Variants in ZBED6 observed in about 807,000 individuals in gnomAD.
The protein encoded by ZBED6 is zinc finger BED domain-containing protein 6.
In ZBED6, 40 loss-of-function variants were observed where a neutral mutation model predicts 58.4. That is an observed-to-expected ratio of 0.68 (90% CI 0.53 to 0.89). The LOEUF (loss-of-function observed/expected upper bound fraction) is 0.89, where lower values mean the gene tolerates loss of function less well. Ranked by LOEUF, ZBED6 falls within the 40% of genes least tolerant of loss-of-function variation. The pLI is 0.00. For synonymous variants in ZBED6, 439 were observed against 350.6 expected (o/e 1.25, Z -2.82); for missense variants, 1,057 against 1,003.9 (o/e 1.05, Z -0.71).
chr1:203,831,702 C>A (rs757891569), exon 8 of ZBED6: 3 of 1,613,194 alleles, frequency 1.9e-6, no homozygotes, highest in Non-Finnish European at 2.5e-6. Flanking sequence ...CCACCCTGAG[C>A]CCGTTCCAGG....
exon 1 of ZBED6, chr1:203,799,065 A>G (rs1405948585): frequency 1.3e-6 from 2 of 1,536,046 alleles, no homozygotes; most frequent in Middle Eastern, 1.7e-4. Flanking sequence ...CAATAATGGC[A>G]GGATCCCCGA....
At chr1:203,817,858 T>C (rs1676887168) in intron 2 of ZBED6, among the ~76,000 whole-genome samples, 1 of 152,036 alleles carries the variant, frequency 6.6e-6, no homozygotes, top group Non-Finnish European at 1.5e-5. Flanking sequence ...GTTCAAGCCA[T>C]TCTCCTGCCT....
chr1:203,796,510 T>C lies in ZBED6; in HGVS notation c.-1013T>C, dbSNP rs1668551052. The stretch of plus-strand genomic sequence containing the variant: ...CTCCCATAATCGGTGCGGATTCCTA[T>C]GGGGAAGGCCTATATTGTTGACATC... On this transcript the variant is annotated 5_prime_UTR_variant, in exon 1 of 17. It removes an upstream start codon present in the reference 5' UTR. Transcript: ENST00000550078. The C allele has an allele frequency of 5.0e-6, 2 of 399,006 alleles. No individual in the cohort carries two copies. Among genetic ancestry groups the C allele is most frequent in the East Asian group, 7.1e-5 (2 of 28,070 alleles). The allele number at this position is 399,006 out of a possible 1,614,324, so 24.7% of individuals were successfully genotyped here.
chr1:203,821,436 G>A (rs1276830836), intron 3 of ZBED6, among the ~76,000 whole-genome samples: 1 of 151,772 alleles, frequency 6.6e-6, no homozygotes. Context: ...TTACTTTTAT[G>A]CTCCGATTGA....
chr1:203,839,638 C>T (rs1269203535), intron 10 of ZBED6, among the ~76,000 whole-genome samples: 1 of 151,982 alleles, frequency 6.6e-6, no homozygotes, highest in Non-Finnish European at 1.5e-5. Flanking sequence ...TGTGTATTGA[C>T]CATGTTGAAG....
chr1:203,820,047 C>A (rs997177605), intron 3 of ZBED6, among the ~76,000 whole-genome samples: 1 of 150,598 alleles, frequency 6.6e-6, no homozygotes, highest in Non-Finnish European at 1.5e-5. Context: ...CCAGCCTGAC[C>A]AACATGGTGA....
chr1:203,848,508 T>C (rs1688482341), intron 13 of ZBED6, 101 bp downstream of exon 13: 1 of 810,520 alleles, frequency 1.2e-6, no homozygotes, highest in Non-Finnish European at 2.0e-6. Flanking sequence ...CATTCATATA[T>C]TAGGTAAACA....
In ZBED6 at chr1:203,824,350, G is replaced by A. The variant is rs144167393; in HGVS notation, c.*2874-3949G>A. On this transcript the variant is annotated intron_variant, in intron 3 of 16. Coordinates refer to ENST00000550078, the Ensembl canonical transcript of ZBED6. The stretch of plus-strand genomic sequence containing the variant: ...ATATGAATTTTAAAAATCTCTGGAA[G>A]TATAAAGGTGAAACTTAACAACAGT... Among the ~76,000 whole-genome samples, 43 of 151,976 alleles carry A rather than the reference G, an allele frequency of 2.8e-4. No individual in the cohort carries two copies. The East Asian group carries it at 6.6e-3, about 23-fold the overall frequency.
chr1:203,816,898 A>AT (rs1381608842), intron 1 of ZBED6, 28 bp from the exon 2 acceptor site: 1 of 519,054 alleles, frequency 1.9e-6, no homozygotes, highest in African/African-American at 2.0e-5. Context: ...TACCTGAAAT[A>AT]TTTTAATTCA....
exon 1 of ZBED6, chr1:203,797,333 G>C (rs952237284): frequency 1.3e-5 from 7 of 520,492 alleles, no homozygotes; most frequent in Non-Finnish European, 2.3e-5. Context: ...AAAGAGTTCG[G>C]GAATGTTCTC....
At chr1:203,807,637 C>T (rs1672831630) in intron 1 of ZBED6, among the ~76,000 whole-genome samples, 1 of 152,090 alleles carries the variant, frequency 6.6e-6, no homozygotes, top group South Asian at 2.1e-4. Context: ...AGTGATCCTT[C>T]CAGCTCAGCC....
chr1:203,835,548 C>T (rs531026574), intron 9 of ZBED6: 89 of 165,680 alleles, frequency 5.4e-4, no homozygotes, highest in African/African-American at 1.8e-3. Flanking sequence ...TTTACAATAG[C>T]GCAAATCCAC....
At chr1:203,811,599 C>G (rs1276187456) in intron 1 of ZBED6, among the ~76,000 whole-genome samples, 2 of 152,122 alleles carry the variant, frequency 1.3e-5, no homozygotes, top group Non-Finnish European at 2.9e-5. Context: ...ACCTCTGCCC[C>G]CTGGATTCAA....
rs968007472 is a variant in ZBED6 at position 203,828,193 on chromosome 1, C to G, written c.*2874-106C>G. On this transcript the variant is annotated intron_variant, in intron 3 of 16. Transcript: ENST00000550078. ...TCTAAAAATCATCTCATCTCACATG[C>G]CTCGGATTTTTGAACCCTGTATGAA... is the stretch of plus-strand genomic sequence containing the variant. 3.0e-6 allele frequency: 4 copies of G among 1,331,696 alleles called. No individual in the cohort carries two copies. In the African/African-American group the frequency reaches 5.9e-5, roughly 20 times the overall value. The allele number at this position is 1,331,696 out of a possible 1,614,324, so 82.5% of individuals were successfully genotyped here.
chr1:203,841,558 T>C (rs762432899), intron 11 of ZBED6, among the ~76,000 whole-genome samples: 56 of 152,384 alleles, frequency 3.7e-4, no homozygotes, highest in Non-Finnish European at 3.5e-4. Flanking sequence ...TACTTCTTTC[T>C]ACACAGACAC....
chr1:203,806,625 A>G (rs919977257), intron 1 of ZBED6, among the ~76,000 whole-genome samples: 25 of 152,052 alleles, frequency 1.6e-4, no homozygotes, highest in African/African-American at 6.0e-4. Context: ...TTCTTAATGC[A>G]TATACTAGAA....
chr1:203,845,311 A>T (rs927359129), intron 11 of ZBED6, among the ~76,000 whole-genome samples: 14 of 152,250 alleles, frequency 9.2e-5, no homozygotes, highest in Non-Finnish European at 1.6e-4. Context: ...GTCACCATTC[A>T]TGTTGTACTT....
chr1:203,829,445 G>A lies in ZBED6; in HGVS notation c.*2998-6G>A, dbSNP rs12066834. ...TTTTAATTTATGACTGATTTTGTGC[G>A]TTTAGCTGTGTTGCCCACTGTGCCT... On this transcript the variant is annotated splice_polypyrimidine_tract_variant and splice_region_variant and intron_variant, in intron 4 of 16. Transcript: ENST00000550078. The A allele has an allele frequency of 2.3e-3, 3,779 of 1,613,896 alleles. 60 individuals carry two copies. The East Asian group carries it at 0.037, about 16-fold the overall frequency.
exon 7 of ZBED6, chr1:203,830,155 G>C (rs1162218831): frequency 1.3e-6 from 2 of 1,597,424 alleles, no homozygotes. Flanking sequence ...AAAAACTCTT[G>C]AGGAAATTAA....
Sources: gnomAD v4.1 joint callset for allele counts (sites outside exome capture counted in the v4.1 genomes callset) on GRCh38, gnomAD v4.1.1 for gene constraint, MANE v1.5 for transcripts, NCBI Gene and HGNC (gene_info 2026-07-23, HGNC 2026-07-21) for gene names.